Variants in FNIP2 observed in about 807,000 individuals in gnomAD.
FNIP2 encodes folliculin-interacting protein 2.
A neutral mutation model predicts 108.7 loss-of-function variants in FNIP2; 32 were observed. That is an observed-to-expected ratio of 0.29 (90% CI 0.22 to 0.40). FNIP2 has a LOEUF of 0.40. FNIP2 is among the 10% of genes least tolerant of loss of function. The pLI, the probability that FNIP2 is intolerant of heterozygous loss-of-function variation, is 1.00. For missense variants in FNIP2, 1,202 were observed against 1,381.6 expected, an observed-to-expected ratio of 0.87 and a Z score of 2.06; for synonymous variants, 480 against 496.7, an observed-to-expected ratio of 0.97 and a Z score of 0.45.
Position 158,840,403 on chromosome 4 carries a change from G to GT in FNIP2, c.727+4937dup, listed in dbSNP as rs869039077. 3.5e-3 allele frequency among the ~76,000 whole-genome samples: 510 copies of GT among 147,562 alleles called. 2 individuals carry two copies. Among genetic ancestry groups the GT allele is most frequent in the African/African-American group, 0.011 (429 of 40,178 alleles). ...AGCTAAAATTTGTTTTTTTGTTGTT[G>GT]TTTTTTTTTTGAGACAAGGTTTCGC... On this transcript the variant is annotated intron_variant, in intron 7 of 16. Transcript: ENST00000264433.
intron 12 of FNIP2, among the ~76,000 whole-genome samples, chr4:158,866,828 C>CA (rs1322512927): frequency 6.6e-6 from 1 of 152,186 alleles, no homozygotes; most frequent in Admixed American, 6.5e-5. Context: ...CCACCTGCCT[C>CA]AGCCTCCCAA....
chr4:158,796,439 A>T (rs912930163), intron 1 of FNIP2, among the ~76,000 whole-genome samples: 1 of 152,164 alleles, frequency 6.6e-6, no homozygotes, highest in Non-Finnish European at 1.5e-5. Context: ...TGATGAGTCT[A>T]TCTCAGAGTG....
intron 1 of FNIP2, among the ~76,000 whole-genome samples, chr4:158,825,428 T>C (rs1456697753): frequency 1.3e-5 from 2 of 152,120 alleles, no homozygotes; most frequent in East Asian, 1.9e-4. Flanking sequence ...AATTTTAGGG[T>C]ATGTAATTCC....
chr4:158,876,886 G>A (rs964228687), intron 14 of FNIP2, among the ~76,000 whole-genome samples: 8 of 152,198 alleles, frequency 5.3e-5, no homozygotes, highest in Non-Finnish European at 7.3e-5. Flanking sequence ...AGCTCTGTGT[G>A]TTCATTGTCG....
At chr4:158,897,876 C>A (rs964655396) in intron 16 of FNIP2, among the ~76,000 whole-genome samples, 8 of 152,190 alleles carry the variant, frequency 5.3e-5, no homozygotes, top group African/African-American at 1.9e-4. Flanking sequence ...GCTTTTGTTA[C>A]CATTGCTTTT....
At chr4:158,791,250 T>C (rs1045451878) in intron 1 of FNIP2, among the ~76,000 whole-genome samples, 13 of 148,042 alleles carry the variant, frequency 8.8e-5, no homozygotes, top group South Asian at 4.4e-4. Flanking sequence ...TAGATGTTCC[T>C]TCTGCACTGA....
intron 12 of FNIP2, 141 bp from the exon 13 acceptor site, chr4:158,867,961 T>C: frequency 8.2e-7 from 1 of 1,220,640 alleles, no homozygotes; most frequent in South Asian, 1.4e-5. Context: ...TGGTCCTTAC[T>C]AGAGAGTAGA....
intron 14 of FNIP2, chr4:158,890,075 TC>T (rs1295886593): frequency 6.7e-5 from 66 of 985,294 alleles, no homozygotes; most frequent in Admixed American, 3.7e-4. Context: ...AGTTAACAAT[TC>T]TACAAAATGA....
At chr4:158,893,849 A>G (rs1483270774) in intron 15 of FNIP2, 50 of 602,026 alleles carry the variant, frequency 8.3e-5, no homozygotes, top group Non-Finnish European at 2.9e-6. Context: ...ATAAATTGTT[A>G]TAGTTAATTC....
chr4:158,835,053 T>G (rs1207520970), intron 6 of FNIP2: 1 of 163,026 alleles, frequency 6.1e-6, no homozygotes, highest in Non-Finnish European at 1.3e-5. Flanking sequence ...ATACTACTAC[T>G]AATGAGGAAA....
intron 13 of FNIP2, among the ~76,000 whole-genome samples, chr4:158,869,980 A>G (rs1034340277): frequency 1.3e-5 from 2 of 152,254 alleles, no homozygotes; most frequent in African/African-American, 4.8e-5. Context: ...CTGTGCAGAT[A>G]TGTCAGATTC....
chr4:158,819,666 G>GT (rs1391018904), intron 1 of FNIP2, among the ~76,000 whole-genome samples: 4 of 152,194 alleles, frequency 2.6e-5, no homozygotes, highest in African/African-American at 9.7e-5. Context: ...ATCTATTTAC[G>GT]TAAGTTTTTT....
At position 158,859,689 on chromosome 4, in the gene FNIP2, A is replaced by T. The variant is rs1421635347; in HGVS notation, c.1148+23A>T. 4 of 1,581,392 alleles carry T rather than the reference A, an allele frequency of 2.5e-6. No homozygotes were observed. The African/African-American group carries it at 5.4e-5, about 21-fold the overall frequency. On this transcript the variant is annotated intron_variant, in intron 10 of 16. Coordinates refer to ENST00000264433, the MANE Select transcript of FNIP2 (RefSeq NM_020840.3). ...CAGGTAAAGTGGCAAAGTTTGGCAA[A>T]TCCAACAGGAGATGTTTATGAGCAG...
At chr4:158,883,270 C>T (rs1397630921) in intron 14 of FNIP2, among the ~76,000 whole-genome samples, 2 of 151,952 alleles carry the variant, frequency 1.3e-5, no homozygotes, top group Non-Finnish European at 2.9e-5. Context: ...GAGACGGAGT[C>T]TGGCTCTGTC....
At chr4:158,854,521 G>A (rs12641932) in intron 8 of FNIP2, among the ~76,000 whole-genome samples, 10,432 of 152,300 alleles carry the variant, frequency 0.068, 472 homozygotes, top group African/African-American at 0.13. Flanking sequence ...CAAGCCCTGG[G>A]TTCTGAGTTC....
At chr4:158,815,637 T>C (rs1777526949) in intron 1 of FNIP2, among the ~76,000 whole-genome samples, 1 of 152,146 alleles carries the variant, frequency 6.6e-6, no homozygotes, top group Non-Finnish European at 1.5e-5. Context: ...GTGCTGGGAT[T>C]AGAGGTGTGA....
At chr4:158,875,832 C>T (rs1413031441) in intron 14 of FNIP2, among the ~76,000 whole-genome samples, 7 of 152,098 alleles carry the variant, frequency 4.6e-5, no homozygotes, top group African/African-American at 1.7e-4. Context: ...CTCAATACAA[C>T]ACTACCTATG....
intron 1 of FNIP2, among the ~76,000 whole-genome samples, chr4:158,815,041 T>G (rs569934970): frequency 2.0e-4 from 31 of 152,324 alleles, no homozygotes; most frequent in African/African-American, 6.7e-4. Context: ...GGCACAAAAT[T>G]GTGGTGCATG....
chr4:158,876,800 A>C (rs1441040130), intron 14 of FNIP2, among the ~76,000 whole-genome samples: 1 of 152,202 alleles, frequency 6.6e-6, no homozygotes, highest in Non-Finnish European at 1.5e-5. Flanking sequence ...CTTTCTTCTG[A>C]AGTAAAGAGA....
Sources: gnomAD v4.1 joint callset for allele counts (sites outside exome capture counted in the v4.1 genomes callset) on GRCh38, gnomAD v4.1.1 for gene constraint, MANE v1.5 for transcripts, NCBI Gene and HGNC (gene_info 2026-07-23, HGNC 2026-07-21) for gene names.